UBE3D: variants seen among roughly 807,000 people sequenced by gnomAD.
UBE3D encodes E3 ubiquitin-protein ligase E3D.
A neutral mutation model predicts 49.6 loss-of-function variants in UBE3D; 48 were observed. The ratio of observed to expected loss-of-function variants is 0.97; its 90% CI spans 0.77 to 1.23. The LOEUF (loss-of-function observed/expected upper bound fraction) is 1.23, where lower values mean the gene tolerates loss of function less well. Ranked by LOEUF, UBE3D falls within the 50% of genes most tolerant of loss-of-function variation. The pLI, the probability that UBE3D is intolerant of heterozygous loss-of-function variation, is 0.00. For missense variants in UBE3D, 452 were observed against 468.4 expected, an observed-to-expected ratio of 0.96 and a Z score of 0.32; for synonymous variants, 189 against 174.2, an observed-to-expected ratio of 1.08 and a Z score of -0.67.
chr6:82,998,616 C>A (rs979703440), intron 8 of UBE3D, among the ~76,000 whole-genome samples: 5 of 152,264 alleles, frequency 3.3e-5, no homozygotes, highest in Admixed American at 3.3e-4. Flanking sequence ...TTAAGGGGAT[C>A]ATTTCCCATC....
At chr6:82,977,138 A>AGGT (rs1399972366) in intron 8 of UBE3D, among the ~76,000 whole-genome samples, 26 of 150,604 alleles carry the variant, frequency 1.7e-4, no homozygotes, top group Admixed American at 1.3e-3. Context: ...AAAAAAAAAA[A>AGGT]AAAGAAGGTA....
intron 8 of UBE3D, among the ~76,000 whole-genome samples, chr6:83,007,909 C>T (rs1482916260): frequency 6.6e-6 from 1 of 152,062 alleles, no homozygotes; most frequent in African/African-American, 2.4e-5. Flanking sequence ...TGACCCACTA[C>T]ACTCCAGCCT....
chr6:83,057,073 T>C (rs1247165685), intron 2 of UBE3D, among the ~76,000 whole-genome samples: 1 of 152,234 alleles, frequency 6.6e-6, no homozygotes, highest in Admixed American at 6.5e-5. Flanking sequence ...ATGTTGTAAA[T>C]ATAACAGGCA....
intron 9 of UBE3D, among the ~76,000 whole-genome samples, chr6:82,956,848 C>G (rs1242098628): frequency 6.6e-6 from 1 of 152,162 alleles, no homozygotes; most frequent in Non-Finnish European, 1.5e-5. Context: ...TAGACAAAGG[C>G]CGGATGCGGT....
intron 9 of UBE3D, among the ~76,000 whole-genome samples, chr6:82,911,314 A>T (rs1410123158): frequency 6.6e-6 from 1 of 151,968 alleles, no homozygotes; most frequent in African/African-American, 2.4e-5. Context: ...GTACTCTCCA[A>T]TCATCTTCCT....
intron 9 of UBE3D, among the ~76,000 whole-genome samples, chr6:82,939,980 T>C (rs1459342596): frequency 6.6e-6 from 1 of 152,190 alleles, no homozygotes. Context: ...GCACAGAAAC[T>C]GTCCAGCTTT....
chr6:83,062,851 G>C (rs1784253775), intron 1 of UBE3D, among the ~76,000 whole-genome samples: 1 of 152,154 alleles, frequency 6.6e-6, no homozygotes, highest in South Asian at 2.1e-4. Context: ...TTCAACTGAT[G>C]GTGATAGAAT....
intron 9 of UBE3D, among the ~76,000 whole-genome samples, chr6:82,932,367 AAAATGGTGTATCTTT>A (rs1774225419): frequency 6.6e-6 from 1 of 152,186 alleles, no homozygotes; most frequent in South Asian, 2.1e-4. Context: ...CTGGTCCTAT[AAAATGGTGTATCTTT>A]AAATGGTGTA....
At chr6:82,948,046 A>G (rs1775529622) in intron 9 of UBE3D, among the ~76,000 whole-genome samples, 1 of 151,950 alleles carries the variant, frequency 6.6e-6, no homozygotes, top group African/African-American at 2.4e-5. Context: ...ATGAAATTGA[A>G]ATGAAGAAAA....
At chr6:82,899,138 C>T (rs974322952) in intron 9 of UBE3D, among the ~76,000 whole-genome samples, 15 of 152,100 alleles carry the variant, frequency 9.9e-5, no homozygotes, top group South Asian at 2.1e-4. Context: ...CCATAAACCC[C>T]GGCATGCCAC....
At chr6:83,041,885 G>A (rs1782694123) in intron 4 of UBE3D, among the ~76,000 whole-genome samples, 1 of 152,064 alleles carries the variant, frequency 6.6e-6, no homozygotes, top group Non-Finnish European at 1.5e-5. Flanking sequence ...TCTTATAAAA[G>A]GATGAAATGC....
At position 83,043,716 on chromosome 6, in the gene UBE3D, T is replaced by C. The variant is rs149839023; in HGVS notation, c.597+712A>G. ...ATAATCAGATGTTAAAATGATTCTC[T>C]GGGAATGATTTTACTTTTTAAATAA... On this transcript the variant is annotated intron_variant, in intron 4 of 9. Transcript: ENST00000369747. Among the ~76,000 whole-genome samples, 79 of 152,376 alleles carry C rather than the reference T, an allele frequency of 5.2e-4. 3 individuals carry two copies. In the East Asian group the frequency reaches 0.015, roughly 29 times the overall value.
intron 4 of UBE3D, 143 bp from the exon 5 acceptor site, chr6:83,038,628 T>C (rs1453082411): frequency 1.5e-6 from 1 of 687,076 alleles, no homozygotes; most frequent in Non-Finnish European, 2.3e-6. Flanking sequence ...ATTTAGCTTG[T>C]ATGCATAATT....
Position 83,054,210 on chromosome 6 carries a change from C to T in UBE3D, c.303G>A (p.Ser101=), listed in dbSNP as rs151204171. The T allele has an allele frequency of 2.5e-5, 41 of 1,613,752 alleles. No homozygotes were observed. Among genetic ancestry groups the T allele is most frequent in the East Asian group, 2.5e-4 (11 of 44,850 alleles). The change falls in exon 3 of 10, where the codon TCG becomes TCA. Residue 101 remains serine (S), a synonymous_variant. Transcript: ENST00000369747. ...TKLISMFNQS[S]QTQECCTFYC... ...AAAACGTGCAACATTCTTGGGTTTG[C>T]GAGCTTTGATTAAACATTGAAATCA...
At chr6:82,919,513 G>A (rs1773168386) in intron 9 of UBE3D, among the ~76,000 whole-genome samples, 1 of 151,778 alleles carries the variant, frequency 6.6e-6, no homozygotes, top group Non-Finnish European at 1.5e-5. Context: ...CTGAGGTGGT[G>A]TGAACCCAGG....
chr6:83,048,646 T>A (rs952990294), intron 3 of UBE3D, among the ~76,000 whole-genome samples: 10 of 152,152 alleles, frequency 6.6e-5, no homozygotes, highest in African/African-American at 1.9e-4. Flanking sequence ...CTATAATATG[T>A]CCTAGAACCA....
intron 9 of UBE3D, among the ~76,000 whole-genome samples, chr6:82,928,231 T>C (rs897221193): frequency 6.6e-6 from 1 of 152,028 alleles, no homozygotes; most frequent in Non-Finnish European, 1.5e-5. Context: ...TTTGGTCAGA[T>C]GCTAAAATGG....
At chr6:82,943,086 T>C (rs962658953) in intron 9 of UBE3D, among the ~76,000 whole-genome samples, 1 of 152,230 alleles carries the variant, frequency 6.6e-6, no homozygotes, top group Non-Finnish European at 1.5e-5. Context: ...ATGTGAAACA[T>C]GGAGTCAAAG....
At chr6:82,924,298 G>A (rs1288316420) in intron 9 of UBE3D, among the ~76,000 whole-genome samples, 1 of 152,064 alleles carries the variant, frequency 6.6e-6, no homozygotes, top group Non-Finnish European at 1.5e-5. Flanking sequence ...TGAAATATAG[G>A]TTGATATGAA....
Sources: gnomAD v4.1 joint callset for allele counts (sites outside exome capture counted in the v4.1 genomes callset) on GRCh38, gnomAD v4.1.1 for gene constraint, MANE v1.5 for transcripts, NCBI Gene and HGNC (gene_info 2026-07-23, HGNC 2026-07-21) for gene names.